Variants in PHF6 observed in about 807,000 individuals in gnomAD.
The protein encoded by PHF6 is PHD-like zinc finger protein.
In PHF6, 7 loss-of-function variants were observed where a neutral mutation model predicts 34.0. The ratio of observed to expected loss-of-function variants is 0.21; its 90% confidence interval spans 0.12 to 0.39. The LOEUF (loss-of-function observed/expected upper bound fraction) is 0.39, where lower values mean the gene tolerates loss of function less well. Among genes scored for constraint, PHF6 ranks in the 10% least tolerant of loss-of-function variants. PHF6 has a pLI of 1.00. For missense variants in PHF6, 128 were observed against 262.8 expected (o/e 0.49, Z 3.55); for synonymous variants, 89 against 88.4 (o/e 1.01, Z -0.04).
At chrX:134,373,568 G>T (rs1413236674) in intron 1 of PHF6, 101 bp downstream of exon 1, 2 of 111,359 alleles carry the variant, frequency 1.8e-5, no homozygotes, top group African/African-American at 6.5e-5. Context: ...CGTTGTTAAA[G>T]GGGACTCTTG....
At chrX:134,412,225 A>G (rs2077453885) in intron 5 of PHF6, among the ~76,000 whole-genome samples, 1 of 112,341 alleles carries the variant, frequency 8.9e-6, no homozygotes, top group East Asian at 2.8e-4. Context: ...ATAAAACACT[A>G]TGCAATAACT....
intron 5 of PHF6, 95 bp downstream of exon 5, chrX:134,394,047 G>A (rs1257411127): frequency 1.4e-5 from 11 of 794,769 alleles, no homozygotes; most frequent in Non-Finnish European, 2.1e-5. Context: ...TTAACCATAA[G>A]ACATATCTCA....
rs1476239742 is a variant in PHF6 at position 134,426,608 on chromosome X, C to A, written c.*948C>A. 6.3e-6 allele frequency: 1 copy of A among 158,102 alleles called. No individual in the cohort carries two copies. Among genetic ancestry groups the A allele is most frequent in the Admixed American group, 8.3e-5 (1 of 12,007 alleles). 13.0% of individuals were successfully genotyped at this position (158,102 alleles called of 1,213,427 possible). A position where few individuals can be genotyped will look rare whatever the true frequency, so the allele number is the denominator to read the frequency against. On this transcript the variant is annotated 3_prime_UTR_variant, in exon 11 of 11. Coordinates refer to ENST00000370803, the MANE Select transcript of PHF6 (RefSeq NM_001015877.2). The stretch of plus-strand genomic sequence containing the variant: ...ACTTTTGTGACCACTATTTTAGAAA[C>A]TTTATTTAATATTTTAATGTTTTCA...
intron 3 of PHF6, among the ~76,000 whole-genome samples, chrX:134,393,087 C>T (rs1054007970): frequency 2.7e-5 from 3 of 112,021 alleles, no homozygotes; most frequent in Non-Finnish European, 3.8e-5. Context: ...CATGAGCCAC[C>T]GCACTTAGCA....
intron 3 of PHF6, among the ~76,000 whole-genome samples, chrX:134,388,003 T>C (rs1273162569): frequency 9.0e-6 from 1 of 111,598 alleles, no homozygotes; most frequent in East Asian, 2.8e-4. Context: ...TTTTAAAAAA[T>C]AGTAACTAAA....
At chrX:134,400,625 G>A (rs2077399359) in intron 5 of PHF6, among the ~76,000 whole-genome samples, 1 of 110,559 alleles carries the variant, frequency 9.0e-6, no homozygotes, top group South Asian at 3.8e-4. Context: ...AGCAAAAGGT[G>A]TGAGGGTTGG....
At chrX:134,399,465 T>C (rs1415952723) in intron 5 of PHF6, among the ~76,000 whole-genome samples, 1 of 111,434 alleles carries the variant, frequency 9.0e-6, no homozygotes, top group East Asian at 2.8e-4. Flanking sequence ...AGGATGTTAA[T>C]AGTAACACGG....
chrX:134,418,348 G>T (rs1048505685), intron 9 of PHF6: 10 of 111,915 alleles, frequency 8.9e-5, no homozygotes, highest in African/African-American at 3.2e-4. Context: ...TTTTTTATGG[G>T]TCTTCCACTT....
intron 5 of PHF6, among the ~76,000 whole-genome samples, chrX:134,410,569 A>G (rs1300759591): frequency 4.5e-5 from 5 of 111,829 alleles, no homozygotes; most frequent in African/African-American, 1.6e-4. Flanking sequence ...TTATCATATC[A>G]TAATGATACT....
intron 5 of PHF6, among the ~76,000 whole-genome samples, chrX:134,406,074 C>CTTTT (rs2077422643): frequency 1.2e-5 from 1 of 84,970 alleles, no homozygotes; most frequent in African/African-American, 4.5e-5. Context: ...TTCTTTCTTT[C>CTTTT]TTTCTTTCTT....
chrX:134,397,000 A>G (rs971020766), intron 5 of PHF6, among the ~76,000 whole-genome samples: 3 of 111,566 alleles, frequency 2.7e-5, no homozygotes, highest in African/African-American at 9.8e-5. Context: ...CTTTGCTAAT[A>G]CTTAATATGA....
At chrX:134,412,171 G>T (rs1410242571) in intron 5 of PHF6, among the ~76,000 whole-genome samples, 1 of 112,397 alleles carries the variant, frequency 8.9e-6, no homozygotes, top group African/African-American at 3.2e-5. Flanking sequence ...ATTGACTTCT[G>T]TGTCTTCACA....
intron 5 of PHF6, among the ~76,000 whole-genome samples, chrX:134,406,846 C>CA (rs1253803336): frequency 8.9e-6 from 1 of 112,026 alleles, no homozygotes; most frequent in South Asian, 3.7e-4. Context: ...GAACATTGTA[C>CA]AAAAATCAGG....
chrX:134,408,805 C>A (rs925615423), intron 5 of PHF6, among the ~76,000 whole-genome samples: 56 of 112,039 alleles, frequency 5.0e-4, no homozygotes, highest in Non-Finnish European at 4.5e-4. Flanking sequence ...CTCCACCTCC[C>A]AAGTTCAAGC....
intron 5 of PHF6, among the ~76,000 whole-genome samples, chrX:134,406,062 T>TTTTCTTTCTTTCTTTCTTTCTTTCTTTC (rs775639514): frequency 2.7e-4 from 21 of 78,062 alleles, no homozygotes; most frequent in Non-Finnish European, 4.6e-4. Flanking sequence ...TCCTTTTTCT[T>TTTTCTTTCTTTCTTTCTTTCTTTCTTTC]TTTCTTTCTT....
At chrX:134,399,987 C>T (rs2077396370) in intron 5 of PHF6, among the ~76,000 whole-genome samples, 1 of 112,117 alleles carries the variant, frequency 8.9e-6, no homozygotes, top group South Asian at 3.7e-4. Context: ...CTTTTACTGT[C>T]TCCATAGCTT....
intron 3 of PHF6, 24 bp from the exon 4 acceptor site, chrX:134,393,477 T>C: frequency 8.3e-7 from 1 of 1,206,260 alleles, no homozygotes. Context: ...ATACTAATAA[T>C]ATTATTTTGT....
intron 1 of PHF6, among the ~76,000 whole-genome samples, chrX:134,374,200 ATTC>A (rs2077268904): frequency 8.9e-6 from 1 of 111,757 alleles, no homozygotes; most frequent in Non-Finnish European, 1.9e-5. Flanking sequence ...ACACCACGGT[ATTC>A]TTTTCCAATT....
chrX:134,424,526 A>G (rs1431316291), intron 9 of PHF6, among the ~76,000 whole-genome samples: 5 of 112,223 alleles, frequency 4.5e-5, no homozygotes, highest in African/African-American at 6.5e-5. Flanking sequence ...GCGAGAGAGA[A>G]CCAAATAAAA....
Sources: allele counts gnomAD v4.1 joint callset (sites outside exome capture counted in the v4.1 genomes callset), GRCh38; gene constraint gnomAD v4.1.1; transcripts MANE v1.5; gene names NCBI Gene and HGNC (gene_info 2026-07-23, HGNC 2026-07-21).